Variants in ATP6V0A1 observed in about 807,000 individuals in gnomAD.
ATP6V0A1 encodes V-type proton ATPase 116 kDa subunit a 1.
Under a neutral mutation model 105.4 loss-of-function variants are expected in ATP6V0A1, and 43 were observed. The observed-to-expected ratio is 0.41, with a 90% confidence interval of 0.32 to 0.53. The LOEUF (loss-of-function observed/expected upper bound fraction) is 0.53, where lower values mean the gene tolerates loss of function less well. Among genes scored for constraint, ATP6V0A1 ranks in the 20% least tolerant of loss-of-function variants. The probability of loss-of-function intolerance (pLI) is 0.30; values close to 1 mark genes in which losing one functional copy is unlikely to be tolerated. For synonymous variants in ATP6V0A1, 362 were observed against 372.8 expected (o/e 0.97, Z 0.33); for missense variants, 676 against 1,051.1 (o/e 0.64, Z 4.93).
At chr17:42,460,057 C>G (rs2086226741) in intron 1 of ATP6V0A1, 1 of 152,134 alleles carries the variant, frequency 6.6e-6, no homozygotes, top group African/African-American at 2.4e-5. Flanking sequence ...AGCACTAAAA[C>G]GAAACCTTTA....
In ATP6V0A1 at chr17:42,487,251, A is replaced by G; in HGVS notation, c.907A>G (p.Ile303Val). 1 of 1,614,236 alleles carries G rather than the reference A, an allele frequency of 6.2e-7. No individual in the cohort carries two copies. Among genetic ancestry groups the G allele is most frequent in the Non-Finnish European group, 8.5e-7 (1 of 1,180,038 alleles). Residue 303 changes from isoleucine (I) to valine (V), a missense_variant, in exon 10 of 22, where the codon ATC (isoleucine) becomes GTC (valine). Ile to Val is a conservative substitution (Grantham distance 29). Coordinates refer to ENST00000343619, the MANE Select transcript of ATP6V0A1 (RefSeq NM_001130021.3). ...CATCAAAGTGCGGAAGATGAAGGCC[A>G]TCTATCACACCCTGAACCTGTGCAA... ...WFIKVRKMKA[I>V]YHTLNLCNID...
At chr17:42,505,880 C>T (rs912487672) in intron 17 of ATP6V0A1, among the ~76,000 whole-genome samples, 10 of 151,888 alleles carry the variant, frequency 6.6e-5, no homozygotes, top group East Asian at 1.9e-4. Context: ...CATCACCTCC[C>T]GGGTTTCAGC....
chr17:42,478,765 TATGGATGTATG>T, intron 7 of ATP6V0A1, 176 bp downstream of exon 7: 3 of 501,396 alleles, frequency 6.0e-6, no homozygotes, highest in Non-Finnish European at 6.3e-6. Context: ...CATATATACA[TATGGATGTATG>T]ATGTATACAT....
chr17:42,494,719 G>T, intron 12 of ATP6V0A1: 1 of 511,560 alleles, frequency 2.0e-6, no homozygotes, highest in Non-Finnish European at 3.4e-6. Flanking sequence ...ACCAGCATAG[G>T]CAACATAGTG....
At chr17:42,512,899 C>G (rs1007352721) in intron 19 of ATP6V0A1, among the ~76,000 whole-genome samples, 1 of 152,206 alleles carries the variant, frequency 6.6e-6, no homozygotes, top group Admixed American at 6.5e-5. Context: ...CTGGGCTCTG[C>G]GGGGGGAAGC....
intron 19 of ATP6V0A1, chr17:42,510,913 AGT>A (rs946489972): frequency 2.0e-5 from 3 of 152,238 alleles, no homozygotes; most frequent in African/African-American, 7.2e-5. Context: ...ATATTAAAGA[AGT>A]GAAAGCTATA....
chr17:42,503,775 T>G (rs1038385611), intron 17 of ATP6V0A1, among the ~76,000 whole-genome samples: 3 of 152,184 alleles, frequency 2.0e-5, no homozygotes, highest in Non-Finnish European at 4.4e-5. Context: ...TTTCTTATGG[T>G]CATCCTTCTG....
At chr17:42,505,657 G>T (rs905157568) in intron 17 of ATP6V0A1, among the ~76,000 whole-genome samples, 23 of 152,172 alleles carry the variant, frequency 1.5e-4, no homozygotes, top group African/African-American at 5.3e-4. Flanking sequence ...TCTTTTTTAT[G>T]GTTGCCTAGC....
chr17:42,498,536 A>G (rs1361106537), intron 14 of ATP6V0A1, among the ~76,000 whole-genome samples: 1 of 152,160 alleles, frequency 6.6e-6, no homozygotes, highest in East Asian at 1.9e-4. Flanking sequence ...ATTAATAAAT[A>G]AAAATTGTCG....
At chr17:42,466,672 G>GTC in intron 3 of ATP6V0A1, among the ~76,000 whole-genome samples, 165 bp downstream of exon 3, 1 of 152,302 alleles carries the variant, frequency 6.6e-6, no homozygotes, top group East Asian at 1.9e-4. Context: ...AGATTTTGTG[G>GTC]TCTTTGGGCT....
chr17:42,478,024 T>C (rs1035090520), intron 6 of ATP6V0A1, among the ~76,000 whole-genome samples: 10 of 152,114 alleles, frequency 6.6e-5, no homozygotes, highest in Non-Finnish European at 1.0e-4. Flanking sequence ...TGGAATACTA[T>C]GTAGCCATAA....
chr17:42,509,644 G>A (rs970802895), intron 19 of ATP6V0A1: 6 of 152,258 alleles, frequency 3.9e-5, no homozygotes, highest in Admixed American at 2.6e-4. Flanking sequence ...CCATGTTAAT[G>A]AGGAGCCCAA....
intron 17 of ATP6V0A1, among the ~76,000 whole-genome samples, chr17:42,503,486 A>G (rs1289001411): frequency 6.6e-6 from 1 of 152,126 alleles, no homozygotes; most frequent in Non-Finnish European, 1.5e-5. Context: ...ATCTGTCTTG[A>G]TCCTTCCCTC....
intron 16 of ATP6V0A1, 94 bp downstream of exon 16, chr17:42,501,017 CTA>C (rs2091625058): frequency 7.4e-7 from 1 of 1,350,704 alleles, no homozygotes; most frequent in African/African-American, 1.5e-5. Flanking sequence ...AACTGCCCTT[CTA>C]TGGGACAATT....
intron 17 of ATP6V0A1, among the ~76,000 whole-genome samples, chr17:42,504,714 A>G (rs371982460): frequency 2.6e-5 from 4 of 152,304 alleles, no homozygotes; most frequent in African/African-American, 9.6e-5. Context: ...CCATAATTTC[A>G]TGGTCCTGAC....
intron 21 of ATP6V0A1, among the ~76,000 whole-genome samples, chr17:42,515,682 G>A (rs1156672584): frequency 6.6e-6 from 1 of 151,948 alleles, no homozygotes; most frequent in African/African-American, 2.4e-5. Flanking sequence ...CAGCTACTTG[G>A]GAGGCTGAGG....
At chr17:42,495,554 G>C in intron 13 of ATP6V0A1, 72 bp from the exon 14 acceptor site, 1 of 1,165,972 alleles carries the variant, frequency 8.6e-7, no homozygotes, top group Non-Finnish European at 1.3e-6. Flanking sequence ...TTTATTTTGG[G>C]GTCAGTTTCT....
At chr17:42,499,341 C>T (rs949034667) in intron 15 of ATP6V0A1, among the ~76,000 whole-genome samples, 2 of 151,694 alleles carry the variant, frequency 1.3e-5, no homozygotes, top group Non-Finnish European at 2.9e-5. Flanking sequence ...TGTAGTGGCA[C>T]GCGCCTATAT....
rs775804667 is a variant in ATP6V0A1 at position 42,478,485 on chromosome 17, C to A, written c.529C>A (p.Arg177=). ...RLGFVAGVIN[R]ERIPTFERML... The stretch of plus-strand genomic sequence containing the variant: ...CAGCTTCGTGGCTGGTGTCATTAAC[C>A]GGGAGCGCATCCCTACTTTTGAGCG... Residue 177 remains arginine, a synonymous_variant, in exon 7 of 22, where the codon CGG becomes AGG. Coordinates refer to ENST00000343619, the MANE Select transcript of ATP6V0A1 (RefSeq NM_001130021.3). 6.2e-7 allele frequency: 1 copy of A among 1,608,376 alleles called. No homozygotes were observed. Among genetic ancestry groups the A allele is most frequent in the African/African-American group, 1.3e-5 (1 of 74,688 alleles).
Sources: allele counts gnomAD v4.1 joint callset (sites outside exome capture counted in the v4.1 genomes callset), GRCh38; gene constraint gnomAD v4.1.1; transcripts MANE v1.5; gene names NCBI Gene and HGNC (gene_info 2026-07-23, HGNC 2026-07-21).